Variants in MXD3 observed in about 807,000 individuals in gnomAD.
The protein encoded by MXD3 is Max-associated protein 3.
Under a neutral mutation model 27.5 loss-of-function variants are expected in MXD3, and 20 were observed. The observed-to-expected ratio is 0.73, with a 90% CI of 0.51 to 1.06. MXD3 has a LOEUF of 1.06. Ranked by LOEUF, MXD3 falls within the 50% of genes least tolerant of loss-of-function variation. The pLI, the probability that MXD3 is intolerant of heterozygous loss-of-function variation, is 0.00. For missense variants in MXD3, 298 were observed against 291.3 expected (o/e 1.02, Z -0.17); for synonymous variants, 150 against 130.7 (o/e 1.15, Z -1.01).
At chr5:177,311,740 C>T (rs780498807) in intron 1 of MXD3, 21 bp downstream of exon 1, 2 of 1,610,696 alleles carry the variant, frequency 1.2e-6, no homozygotes, top group Non-Finnish European at 1.7e-6. Flanking sequence ...GCCCGGAATT[C>T]AGCCAAGGGT....
rs1431018990 is a variant in MXD3 at position 177,310,457 on chromosome 5, C to T, written c.290G>A (p.Ser97Asn). 7.4e-6 allele frequency: 12 copies of T among 1,612,944 alleles called. No individual in the cohort carries two copies. Among genetic ancestry groups the T allele is most frequent in the Non-Finnish European group, 1.0e-5 (12 of 1,179,770 alleles). ...GADCARYTTLSLLRRARMHIQ... is the reference protein window; with the variant it reads ...GADCARYTTLNLLRRARMHIQ... ...GTGCATCCTGGCACGGCGCAGCAGG[C>T]TCAGCGTGGTGTACCGGGCACAGTC... The change falls in exon 4 of 6, where the codon AGC (serine) becomes AAC (asparagine). Residue 97 changes from serine (S) to asparagine (N), a missense_variant. Ser to Asn is a conservative substitution (Grantham distance 46). Coordinates refer to ENST00000439742, the MANE Select transcript of MXD3 (RefSeq NM_031300.4).
downstream of MXD3, chr5:177,305,868 T>C (rs760084489): frequency 4.3e-6 from 7 of 1,612,956 alleles, no homozygotes; most frequent in East Asian, 1.6e-4. Flanking sequence ...GGCCTCTGCA[T>C]AGGTGGTGGA....
downstream of MXD3, chr5:177,305,797 G>C (rs1205274133): frequency 1.1e-5 from 14 of 1,261,176 alleles, no homozygotes; most frequent in Non-Finnish European, 1.6e-5. Flanking sequence ...CATGAAAAGT[G>C]ACAGGGAGTC....
At chr5:177,306,522 C>T (rs144966419), downstream of MXD3, 1 of 1,612,532 alleles carries the variant, frequency 6.2e-7, no homozygotes, top group Admixed American at 1.7e-5. Flanking sequence ...AGGACCTCGC[C>T]AGCAAGGCGG....
chr5:177,312,471 A>G (rs1761061698), upstream of MXD3: 1 of 985,274 alleles, frequency 1.0e-6, no homozygotes, highest in African/African-American at 1.7e-5. Flanking sequence ...CAAATTTGAA[A>G]ACCCAAGCGA....
intron 2 of MXD3, chr5:177,311,054 AG>A: frequency 1.8e-6 from 1 of 541,382 alleles, no homozygotes; most frequent in Admixed American, 3.4e-5. Flanking sequence ...GCATATGCAA[AG>A]GGCTGGGGAG....
chr5:177,306,372 G>C (rs760442893), downstream of MXD3: 6 of 1,612,298 alleles, frequency 3.7e-6, no homozygotes, highest in Non-Finnish European at 5.1e-6. Flanking sequence ...GGGAAATTAG[G>C]TTGGTCTTTC....
intron 2 of MXD3, 190 bp from the exon 3 acceptor site, chr5:177,310,887 A>C (rs1561595966): frequency 1.5e-6 from 1 of 659,706 alleles, no homozygotes. Context: ...CACGGAGCCA[A>C]ATGCTTAACA....
downstream of MXD3, chr5:177,306,829 G>A: frequency 1.3e-6 from 1 of 746,160 alleles, no homozygotes; most frequent in South Asian, 1.9e-5. Context: ...GTAGCCTGCA[G>A]GTTAACTGGC....
upstream of MXD3, chr5:177,312,591 GC>G: frequency 1.0e-6 from 1 of 985,442 alleles, no homozygotes; most frequent in Non-Finnish European, 1.2e-6. Flanking sequence ...CCTGCCATCT[GC>G]CCCCGAAGGC....
intron 2 of MXD3, chr5:177,311,089 C>T: frequency 3.8e-6 from 2 of 529,902 alleles, no homozygotes; most frequent in Non-Finnish European, 6.7e-6. Context: ...AGGAAGCCAG[C>T]GGGGGAGGTG....
chr5:177,308,243 G>C (rs1339722491), intron 4 of MXD3, among the ~76,000 whole-genome samples: 4 of 152,268 alleles, frequency 2.6e-5, no homozygotes, highest in African/African-American at 9.6e-5. Context: ...AAGGACTGGA[G>C]TGCTGTGGCG....
downstream of MXD3, chr5:177,306,048 C>T (rs1196720447): frequency 8.7e-6 from 14 of 1,600,436 alleles, no homozygotes; most frequent in Non-Finnish European, 1.1e-5. Context: ...TGGGGCTGGG[C>T]TGGGGTCAGT....
At chr5:177,306,788 C>T, downstream of MXD3, 1 of 871,844 alleles carries the variant, frequency 1.1e-6, no homozygotes, top group Non-Finnish European at 1.7e-6. Context: ...GACCGAGGCA[C>T]AGAGGTGCGG....
intron 4 of MXD3, among the ~76,000 whole-genome samples, chr5:177,310,080 G>T (rs1760996972): frequency 1.3e-5 from 2 of 152,170 alleles, no homozygotes; most frequent in South Asian, 4.1e-4. Flanking sequence ...TCCCATCACA[G>T]AATTCAACAG....
intron 1 of MXD3, 119 bp downstream of exon 1, chr5:177,311,642 C>T (rs988866493): frequency 6.6e-6 from 8 of 1,211,026 alleles, no homozygotes; most frequent in Non-Finnish European, 9.1e-6. Context: ...GAGTTGAGGG[C>T]GAGGCGCCCC....
chr5:177,312,617 G>C (rs921004880), upstream of MXD3: 1 of 985,354 alleles, frequency 1.0e-6, no homozygotes, highest in Admixed American at 6.1e-5. Context: ...GTGGGCCCCA[G>C]CTTCCTACTG....
Position 177,307,937 on chromosome 5 carries a change from G to C in MXD3, c.349C>G (p.Arg117Gly). ...QKLEDQEQRA[R>G]QLKERLRSKQ... is the part of the protein sequence containing the mutation. ...CTGCGCAGCCTCTCCTTGAGCTGTC[G>C]GGCCCGCTGCTCCTGATCCTCCAGC... is the stretch of plus-strand genomic sequence containing the variant. The change falls in exon 5 of 6, where the codon CGA becomes GGA. Residue 117 changes from arginine (R) to glycine (G), a missense_variant. By Grantham distance (125) the Arg-to-Gly change is moderately radical. Coordinates refer to ENST00000439742, the MANE Select transcript of MXD3 (RefSeq NM_031300.4). 3 of 1,576,772 alleles carry C rather than the reference G, an allele frequency of 1.9e-6. No homozygotes were observed. The highest frequency in any genetic ancestry group is 2.6e-6 in the Non-Finnish European group (3 of 1,161,064).
chr5:177,305,636 C>A (rs1760847052), downstream of MXD3: 1 of 539,726 alleles, frequency 1.9e-6, no homozygotes, highest in Non-Finnish European at 3.3e-6. Context: ...CTTTGTTGAT[C>A]TCAAGAGAGA....
Sources: allele counts gnomAD v4.1 joint callset (sites outside exome capture counted in the v4.1 genomes callset), GRCh38; gene constraint gnomAD v4.1.1; transcripts MANE v1.5; gene names NCBI Gene and HGNC (gene_info 2026-07-23, HGNC 2026-07-21).